Variants in CCDC85C observed in about 807,000 individuals in gnomAD.
CCDC85C encodes coiled-coil domain containing 85C.
A neutral mutation model predicts 38.3 loss-of-function variants in CCDC85C; 18 were observed. The ratio of observed to expected loss-of-function variants is 0.47; its 90% CI spans 0.33 to 0.70. CCDC85C has a LOEUF of 0.70. CCDC85C is among the 30% of genes least tolerant of loss of function. CCDC85C has a pLI of 0.03. For synonymous variants in CCDC85C, 264 were observed against 293.8 expected, an observed-to-expected ratio of 0.90 and a Z score of 1.04; for missense variants, 566 against 621.2, an observed-to-expected ratio of 0.91 and a Z score of 0.94.
At position 99,564,390 on chromosome 14, in the gene CCDC85C, T is replaced by C. The variant is rs539728948; in HGVS notation, c.794-28302A>G. Among the ~76,000 whole-genome samples, 14 of 152,318 alleles carry C rather than the reference T, an allele frequency of 9.2e-5. No individual in the cohort carries two copies. The South Asian group carries it at 1.0e-3, about 11-fold the overall frequency. On this transcript the variant is annotated intron_variant, in intron 1 of 5. Coordinates refer to ENST00000380243, the MANE Select transcript of CCDC85C (RefSeq NM_001144995.2). ...CCAGCTGACCCCAGGACATGCCCCA[T>C]ATGCCTGTGCCCACCTTGCAGCATG...
At chr14:99,530,109 CT>C (rs1289201381) in intron 2 of CCDC85C, among the ~76,000 whole-genome samples, 1 of 152,200 alleles carries the variant, frequency 6.6e-6, no homozygotes, top group Non-Finnish European at 1.5e-5. Flanking sequence ...CCTGGTGACT[CT>C]CCCCCAGCAT....
chr14:99,596,557 T>A (rs988513930), intron 1 of CCDC85C, among the ~76,000 whole-genome samples: 1 of 152,174 alleles, frequency 6.6e-6, no homozygotes, highest in Admixed American at 6.5e-5. Flanking sequence ...CAGGCACCCA[T>A]CCCCGGCTGA....
At chr14:99,578,386 TTG>T (rs150707759) in intron 1 of CCDC85C, among the ~76,000 whole-genome samples, 3 of 133,098 alleles carry the variant, frequency 2.3e-5, no homozygotes, top group Non-Finnish European at 4.9e-5. Flanking sequence ...ATCGGTGTGT[TTG>T]TGTGTGTGTG....
Position 99,603,729 on chromosome 14 carries a change from C to T in CCDC85C, c.231G>A (p.Leu77=). 6 of 1,519,758 alleles carry T rather than the reference C, an allele frequency of 3.9e-6. No homozygotes were observed. The highest frequency in any genetic ancestry group is 5.3e-6 in the Non-Finnish European group (6 of 1,139,456). 94.1% of individuals were successfully genotyped at this position (1,519,758 alleles called of 1,614,324 possible). Reference sequence around the variant, plus strand: ...CGCGCAGCTCCTGGTTGTCGTCCTGCAGCCGCTGGTTCACGTCCTTGAGGC... The same window carrying T: ...CGCGCAGCTCCTGGTTGTCGTCCTGTAGCCGCTGGTTCACGTCCTTGAGGC... ...IRGLKDVNQR[L]QDDNQELREL... is the part of the protein sequence containing the mutation. Residue 77 remains leucine, a synonymous_variant, in exon 1 of 6, where the codon CTG becomes CTA. Transcript: ENST00000380243. This position sits in a 1 kb window ranked among gnomAD's most constrained non-coding sequence, Gnocchi z 7.5.
At position 99,501,140 on chromosome 14, in the gene CCDC85C, GA is replaced by G; in HGVS notation, c.*14105del. 1.7e-6 allele frequency: 1 copy of G among 602,604 alleles called. No homozygotes were observed. Among genetic ancestry groups the G allele is most frequent in the Non-Finnish European group, 2.9e-6 (1 of 342,874 alleles). 37.3% of individuals were successfully genotyped at this position (602,604 alleles called of 1,614,324 possible). ...AAATGGACTAATAAACTTAGCCTTG[GA>G]GCCAGGTTTTCCATACATGGTGGTT... On this transcript the variant is annotated 3_prime_UTR_variant, in exon 6 of 6. Coordinates refer to ENST00000380243, the MANE Select transcript of CCDC85C (RefSeq NM_001144995.2).
rs1896962871 is a variant in CCDC85C, at chr14:99,505,954, C to CT, written c.*9291dup. The CT allele has an allele frequency of 6.6e-6, 1 of 152,336 alleles. No individual in the cohort carries two copies. Among genetic ancestry groups the CT allele is most frequent in the Non-Finnish European group, 1.5e-5 (1 of 68,108 alleles). 9.4% of individuals were successfully genotyped at this position (152,336 alleles called of 1,614,324 possible). A position where few individuals can be genotyped will look rare whatever the true frequency, so the allele number is the denominator to read the frequency against. ...CCCTGATGTAGACGGCTTTAGCTAACTATTACCAGCTGTGGAAAAAGGCAG... is the reference window on the plus strand; with the variant it reads ...CCCTGATGTAGACGGCTTTAGCTAACTTATTACCAGCTGTGGAAAAAGGCAG... On this transcript the variant is annotated 3_prime_UTR_variant, in exon 6 of 6. Coordinates refer to ENST00000380243, the MANE Select transcript of CCDC85C (RefSeq NM_001144995.2).
At position 99,572,048 on chromosome 14, in the gene CCDC85C, A is replaced by G. The variant is rs1942669587; in HGVS notation, c.793+31119T>C. 6.6e-6 allele frequency among the ~76,000 whole-genome samples: 1 copy of G among 152,178 alleles called. No homozygotes were observed. The highest frequency in any genetic ancestry group is 2.4e-5 in the African/African-American group (1 of 41,436). On this transcript the variant is annotated intron_variant, in intron 1 of 5. Transcript: ENST00000380243. This position sits in a 1 kb window ranked among gnomAD's most constrained non-coding sequence, Gnocchi z 4.4. ...CAGGCACCCTTCCACGGGGCATCTC[A>G]GAGCGTGATCCCCAGAGCCCCCAAC...
intron 1 of CCDC85C, among the ~76,000 whole-genome samples, chr14:99,602,338 G>A (rs776783935): frequency 6.6e-6 from 1 of 152,192 alleles, no homozygotes; most frequent in Non-Finnish European, 1.5e-5. Flanking sequence ...GAAGCTGACA[G>A]AGGCCAAAGT....
At position 99,603,451 on chromosome 14, in the gene CCDC85C, CCGCCGCCGCCACCGCTTGCGGCCCCCGT is replaced by C; in HGVS notation, c.481_508del (p.Thr161AlafsTer17). On this transcript the variant is annotated frameshift_variant, in exon 1 of 6. Transcript: ENST00000380243. LOFTEE classifies it high-confidence loss of function. This position sits in a 1 kb window ranked among gnomAD's most constrained non-coding sequence, Gnocchi z 7.5. ...GCTGCGGGAGCCGGCGCCGCCCCCG[CCGCCGCCGCCACCGCTTGCGGCCCCCGT>C]CGCCGCCAGTGCCGCGCGCTCCTCG... is the stretch of plus-strand genomic sequence containing the variant. The C allele has an allele frequency of 7.8e-7, 1 of 1,274,832 alleles. No homozygotes were observed. Among genetic ancestry groups the C allele is most frequent in the Non-Finnish European group, 9.9e-7 (1 of 1,014,828 alleles). The allele number at this position is 1,274,832 out of a possible 1,614,324, so 79.0% of individuals were successfully genotyped here.
At chr14:99,543,564 C>A (rs1239966195) in intron 1 of CCDC85C, among the ~76,000 whole-genome samples, 1 of 152,148 alleles carries the variant, frequency 6.6e-6, no homozygotes, top group Non-Finnish European at 1.5e-5. Flanking sequence ...GGAGGTGACA[C>A]TCGAGCTGAG....
At chr14:99,564,949 G>T (rs1300778299) in intron 1 of CCDC85C, among the ~76,000 whole-genome samples, 4 of 152,212 alleles carry the variant, frequency 2.6e-5, no homozygotes, top group African/African-American at 9.6e-5. Flanking sequence ...AGCTCCAGAA[G>T]GTGCGGGATC....
In CCDC85C at chr14:99,544,489, GGTGTGTGTGTGT is replaced by G. The variant is rs111754976; in HGVS notation, c.794-8413_794-8402del. Among the ~76,000 whole-genome samples, 3 of 147,920 alleles carry G rather than the reference GGTGTGTGTGTGT, an allele frequency of 2.0e-5. No homozygotes were observed. The highest frequency in any genetic ancestry group is 2.0e-4 in the East Asian group (1 of 5,056). On this transcript the variant is annotated intron_variant, in intron 1 of 5. Transcript: ENST00000380243. The surrounding 1 kb of genome is among the most constrained non-coding windows in gnomAD (Gnocchi z 5.3). The stretch of plus-strand genomic sequence containing the variant: ...ATAAAAACAGGGCTAAAATTTGAAG[GGTGTGTGTGTGT>G]GTGTGTGTGTGTGTGTCTGTGTGTC...
chr14:99,545,318 G>A lies in CCDC85C; in HGVS notation c.794-9230C>T, dbSNP rs1452809836. Among the ~76,000 whole-genome samples the A allele has an allele frequency of 6.6e-6, 1 of 152,120 alleles. No individual in the cohort carries two copies. The highest frequency in any genetic ancestry group is 1.5e-5 in the Non-Finnish European group (1 of 68,018). ...CTTCCCAATGACACTGCAATGTGGA[G>A]GGGGCAGCTGAATGGAAAGCCCCGC... On this transcript the variant is annotated intron_variant, in intron 1 of 5. Transcript: ENST00000380243. This position sits in a 1 kb window ranked among gnomAD's most constrained non-coding sequence, Gnocchi z 4.7.
chr14:99,534,826 A>C (rs1443306854), intron 2 of CCDC85C: 2 of 655,574 alleles, frequency 3.1e-6, no homozygotes, highest in East Asian at 5.4e-5. Flanking sequence ...CCTTCACCAT[A>C]GGGCACCTGA....
At chr14:99,587,050 C>A (rs1327735958) in intron 1 of CCDC85C, among the ~76,000 whole-genome samples, 1 of 152,238 alleles carries the variant, frequency 6.6e-6, no homozygotes, top group Admixed American at 6.5e-5. Flanking sequence ...GGCCCACCAG[C>A]CCCTCAAGGC....
chr14:99,570,476 C>T (rs1017833927), intron 1 of CCDC85C, among the ~76,000 whole-genome samples: 5 of 152,188 alleles, frequency 3.3e-5, no homozygotes, highest in Admixed American at 1.3e-4. Flanking sequence ...TGAGGAGTCA[C>T]GGCAGGGGCC....
At chr14:99,592,333 G>A (rs1352267650) in intron 1 of CCDC85C, among the ~76,000 whole-genome samples, 1 of 152,182 alleles carries the variant, frequency 6.6e-6, no homozygotes, top group African/African-American at 2.4e-5. Flanking sequence ...AGGGGAGAGA[G>A]GAAGGGACCC....
chr14:99,563,617 G>A (rs1898159805), intron 1 of CCDC85C, among the ~76,000 whole-genome samples: 1 of 152,272 alleles, frequency 6.6e-6, no homozygotes, highest in African/African-American at 2.4e-5. Flanking sequence ...GAGGGTGAGA[G>A]AGCAGGCAGG....
intron 1 of CCDC85C, among the ~76,000 whole-genome samples, chr14:99,556,568 T>G (rs1409247519): frequency 1.3e-5 from 2 of 152,142 alleles, no homozygotes; most frequent in South Asian, 4.1e-4. Flanking sequence ...CAGGCTGGAG[T>G]GCAGCAGTGT....
Sources: allele counts gnomAD v4.1 joint callset (sites outside exome capture counted in the v4.1 genomes callset), GRCh38; gene constraint gnomAD v4.1.1; non-coding constraint Gnocchi (gnomAD v3.1); transcripts MANE v1.5; gene names NCBI Gene and HGNC (gene_info 2026-07-23, HGNC 2026-07-21).